Variants in RANBP17 observed in about 807,000 individuals in gnomAD.
The protein encoded by RANBP17 is RAN binding protein 17.
A neutral mutation model predicts 141.2 loss-of-function variants in RANBP17; 158 were observed. The ratio of observed to expected loss-of-function variants is 1.12; its 90% CI spans 0.98 to 1.28. The LOEUF (loss-of-function observed/expected upper bound fraction) is 1.28, where lower values mean the gene tolerates loss of function less well. RANBP17 is among the 50% of genes most tolerant of loss of function. The pLI, the probability that RANBP17 is intolerant of heterozygous loss-of-function variation, is 0.00. For missense variants in RANBP17, 1,438 were observed against 1,290.7 expected (o/e 1.11, Z -1.75); for synonymous variants, 430 against 450.0 (o/e 0.96, Z 0.56).
intron 14 of RANBP17, among the ~76,000 whole-genome samples, chr5:171,079,353 C>T (rs1023882008): frequency 3.3e-5 from 5 of 152,220 alleles, no homozygotes; most frequent in African/African-American, 1.2e-4. Context: ...ATGCCGTGAA[C>T]GTTGTTGAAA....
chr5:171,111,082 G>A (rs1047523399), intron 14 of RANBP17, among the ~76,000 whole-genome samples: 5 of 148,534 alleles, frequency 3.4e-5, no homozygotes, highest in Non-Finnish European at 5.9e-5. Context: ...TCTTCCTACT[G>A]GTACAGGGAG....
chr5:170,954,500 G>C (rs950484779), intron 13 of RANBP17, among the ~76,000 whole-genome samples: 2 of 140,862 alleles, frequency 1.4e-5, no homozygotes, highest in Non-Finnish European at 3.0e-5. Context: ...CTGGCAATTA[G>C]TGGTATATTT....
chr5:171,254,716 C>T (rs1765781827), intron 24 of RANBP17, among the ~76,000 whole-genome samples: 1 of 151,900 alleles, frequency 6.6e-6, no homozygotes, highest in South Asian at 2.1e-4. Flanking sequence ...TGACAGTAGC[C>T]GAATGTAACT....
At chr5:171,233,501 T>C (rs1436064220) in intron 22 of RANBP17, among the ~76,000 whole-genome samples, 1 of 151,918 alleles carries the variant, frequency 6.6e-6, no homozygotes, top group Non-Finnish European at 1.5e-5. Flanking sequence ...TTTTTTTCAA[T>C]AGGTGAGTGG....
intron 18 of RANBP17, among the ~76,000 whole-genome samples, chr5:171,191,587 T>C (rs1216383103): frequency 6.6e-6 from 1 of 151,840 alleles, no homozygotes; most frequent in Non-Finnish European, 1.5e-5. Context: ...CTCGGGAGGC[T>C]GAGGCAGGAG....
chr5:171,242,065 TCTC>T (rs1026071910), intron 23 of RANBP17, among the ~76,000 whole-genome samples: 1 of 151,954 alleles, frequency 6.6e-6, no homozygotes, highest in African/African-American at 2.4e-5. Flanking sequence ...CTTAAGCAAT[TCTC>T]CTGCCTCAGC....
intron 3 of RANBP17, among the ~76,000 whole-genome samples, chr5:170,883,250 A>T (rs1768864544): frequency 6.6e-6 from 1 of 152,230 alleles, no homozygotes; most frequent in African/African-American, 2.4e-5. Context: ...TTTGTTTATT[A>T]TACTTTTCAA....
At chr5:170,944,526 C>G (rs1215509697) in intron 12 of RANBP17, among the ~76,000 whole-genome samples, 1 of 152,196 alleles carries the variant, frequency 6.6e-6, no homozygotes, top group African/African-American at 2.4e-5. Flanking sequence ...CCTCAGCCTC[C>G]CAAAGTGCTG....
chr5:171,262,481 C>CT (rs1766398552), intron 24 of RANBP17, among the ~76,000 whole-genome samples: 1 of 152,082 alleles, frequency 6.6e-6, no homozygotes, highest in African/African-American at 2.4e-5. Flanking sequence ...AATGCCATGT[C>CT]TTTAGGAGGG....
chr5:171,297,324 A>T (rs928716699), intron 27 of RANBP17, among the ~76,000 whole-genome samples: 1 of 152,214 alleles, frequency 6.6e-6, no homozygotes, highest in South Asian at 2.1e-4. Flanking sequence ...CCCCTCATGG[A>T]TCTTACATTC....
intron 14 of RANBP17, among the ~76,000 whole-genome samples, chr5:171,006,360 T>C (rs1441047070): frequency 6.6e-6 from 1 of 152,112 alleles, no homozygotes; most frequent in Non-Finnish European, 1.5e-5. Context: ...TGTCCAGCAA[T>C]GATAGACTGG....
chr5:171,230,898 G>C (rs951097762), intron 22 of RANBP17, among the ~76,000 whole-genome samples: 1 of 151,964 alleles, frequency 6.6e-6, no homozygotes, highest in Non-Finnish European at 1.5e-5. Flanking sequence ...TTGGTGTAAA[G>C]CTAGAAGAGA....
intron 14 of RANBP17, among the ~76,000 whole-genome samples, chr5:171,032,028 TAAAAC>T (rs1423755891): frequency 1.3e-5 from 2 of 152,090 alleles, no homozygotes; most frequent in African/African-American, 4.8e-5. Context: ...ATATGTCACT[TAAAAC>T]AAACAAATAG....
At chr5:171,009,106 A>G (rs1227453550) in intron 14 of RANBP17, among the ~76,000 whole-genome samples, 1 of 152,144 alleles carries the variant, frequency 6.6e-6, no homozygotes, top group East Asian at 1.9e-4. Flanking sequence ...TTCCTGCCTC[A>G]TTTTGTCCCT....
chr5:171,225,790 G>A (rs976775888), intron 22 of RANBP17, among the ~76,000 whole-genome samples: 3 of 152,150 alleles, frequency 2.0e-5, no homozygotes, highest in Non-Finnish European at 4.4e-5. Context: ...AAATACCTCC[G>A]CCTCACTGCT....
intron 13 of RANBP17, among the ~76,000 whole-genome samples, chr5:170,957,797 A>G (rs1357284265): frequency 6.6e-6 from 1 of 152,196 alleles, no homozygotes; most frequent in Non-Finnish European, 1.5e-5. Context: ...TACTGTGAAT[A>G]CTGCAGTAGT....
chr5:171,106,515 G>T (rs2127752003), intron 14 of RANBP17, among the ~76,000 whole-genome samples: 1 of 152,322 alleles, frequency 6.6e-6, no homozygotes, highest in African/African-American at 2.4e-5. Flanking sequence ...GTTTTGTGAA[G>T]AAACTAGTCA....
chr5:171,157,509 TG>T (rs1758991851), intron 14 of RANBP17, among the ~76,000 whole-genome samples: 1 of 152,194 alleles, frequency 6.6e-6, no homozygotes, highest in Non-Finnish European at 1.5e-5. Context: ...TGATGAACAT[TG>T]AAACTTGTCT....
At chr5:171,275,812 A>G (rs1767450154) in intron 25 of RANBP17, among the ~76,000 whole-genome samples, 1 of 151,884 alleles carries the variant, frequency 6.6e-6, no homozygotes, top group Non-Finnish European at 1.5e-5. Context: ...AGGTTCCCCT[A>G]CCCCCACCCC....
Sources: gnomAD v4.1 joint callset for allele counts (sites outside exome capture counted in the v4.1 genomes callset) on GRCh38, gnomAD v4.1.1 for gene constraint, MANE v1.5 for transcripts, NCBI Gene and HGNC (gene_info 2026-07-23, HGNC 2026-07-21) for gene names.